The following PPM1A variants were observed in gnomAD, a reference collection of about 807,000 sequenced individuals.
PPM1A encodes protein phosphatase, Mg2+/Mn2+ dependent 1A.
PPM1A carries 7 observed loss-of-function variants against 35.0 expected under a neutral mutation model. The observed-to-expected ratio is 0.20, with a 90% CI of 0.11 to 0.38. The LOEUF is 0.38. PPM1A is among the 10% of genes least tolerant of loss of function. The probability of loss-of-function intolerance (pLI) is 1.00; values close to 1 mark genes in which losing one functional copy is unlikely to be tolerated. For missense variants in PPM1A, 239 were observed against 467.8 expected (o/e 0.51, Z 4.51); for synonymous variants, 153 against 167.3 (o/e 0.91, Z 0.66).
chr14:60,279,044 A>G (rs968202889), intron 1 of PPM1A, among the ~76,000 whole-genome samples: 17 of 152,330 alleles, frequency 1.1e-4, no homozygotes, highest in African/African-American at 3.6e-4. Context: ...TAGTAAATAC[A>G]AATATACACT....
At chr14:60,270,926 A>C (rs1281757310) in intron 1 of PPM1A, among the ~76,000 whole-genome samples, 1 of 152,224 alleles carries the variant, frequency 6.6e-6, no homozygotes, top group African/African-American at 2.4e-5. Context: ...GCATTCTGCT[A>C]ATTTCCATGG....
At chr14:60,247,927 C>T (rs1881896782), upstream of PPM1A, among the ~76,000 whole-genome samples, 1 of 152,184 alleles carries the variant, frequency 6.6e-6, no homozygotes, top group Admixed American at 6.5e-5. Flanking sequence ...GTAAAAGAAC[C>T]TGCCTTCTAC....
intron 1 of PPM1A, among the ~76,000 whole-genome samples, chr14:60,276,571 A>G (rs1188428352): frequency 1.3e-5 from 2 of 152,158 alleles, no homozygotes; most frequent in African/African-American, 2.4e-5. Context: ...TCCACATTGT[A>G]TGTATCTATG....
chr14:60,283,551 T>C lies in PPM1A; in HGVS notation c.834+14T>C, dbSNP rs764967817. The C allele has an allele frequency of 6.3e-7, 1 of 1,584,246 alleles. No homozygotes were observed. Among genetic ancestry groups the C allele is most frequent in the Non-Finnish European group, 8.5e-7 (1 of 1,169,726 alleles). The stretch of plus-strand genomic sequence containing the variant: ...TGTTTGTATAAGGTAGCTAGACTTT[T>C]TTTAAAAACATAAAATGATTTTATG... On this transcript the variant is annotated intron_variant, in intron 2 of 5. Coordinates refer to ENST00000395076, the MANE Select transcript of PPM1A (RefSeq NM_021003.5). The surrounding 1 kb of genome is among the most constrained non-coding windows in gnomAD (Gnocchi z 6.3).
chr14:60,284,516 C>T (rs903225274), intron 2 of PPM1A, among the ~76,000 whole-genome samples: 1 of 151,732 alleles, frequency 6.6e-6, no homozygotes, highest in African/African-American at 2.4e-5. Context: ...GTGGCGGGCG[C>T]CTGTAGTCCC....
rs1045989237 is a variant in PPM1A at position 60,249,951 on chromosome 14, C to T, written c.-21+274C>T. ...GAGGGGGCGCGACCCTCTGGCCGTC[C>T]GCGGCCGAGATGGGTGTTTGTGGCG... On this transcript the variant is annotated intron_variant, in intron 1 of 5. Transcript: ENST00000395076. This position sits in a 1 kb window ranked among gnomAD's most constrained non-coding sequence, Gnocchi z 4.5. Among the ~76,000 whole-genome samples the T allele has an allele frequency of 2.0e-5, 3 of 151,634 alleles. No homozygotes were observed. The East Asian group carries it at 5.9e-4, about 30-fold the overall frequency.
chr14:60,246,210 A>G (rs1373717755), upstream of PPM1A, among the ~76,000 whole-genome samples: 11 of 152,182 alleles, frequency 7.2e-5, no homozygotes. Flanking sequence ...GGCCCAGGCA[A>G]GTCTGCCTCA....
At chr14:60,266,075 T>C (rs1884342232) in intron 1 of PPM1A, among the ~76,000 whole-genome samples, 1 of 152,238 alleles carries the variant, frequency 6.6e-6, no homozygotes, top group Non-Finnish European at 1.5e-5. Flanking sequence ...TTGGGTGTAA[T>C]AATTTTTTAA....
Position 60,282,943 on chromosome 14 carries a change from C to A in PPM1A, c.240C>A (p.Thr80=), listed in dbSNP as rs1886570605. The change falls in exon 2 of 6, where the codon ACC becomes ACA. Residue 80 remains threonine (T), a synonymous_variant. Transcript: ENST00000395076. The surrounding 1 kb of genome is among the most constrained non-coding windows in gnomAD (Gnocchi z 5.1). ...GTGAGCATTTGTTAGATCACATCAC[C>A]AATAACCAGGATTTTAAAGGGTCTG... is the stretch of plus-strand genomic sequence containing the variant. The part of the protein sequence containing the change: ...YCCEHLLDHI[T]NNQDFKGSAG... The A allele has an allele frequency of 1.2e-6, 2 of 1,614,188 alleles. No individual in the cohort carries two copies. Among genetic ancestry groups the A allele is most frequent in the Non-Finnish European group, 1.7e-6 (2 of 1,180,048 alleles).
In PPM1A at chr14:60,283,277, G is replaced by T; in HGVS notation, c.574G>T (p.Ala192Ser). The T allele has an allele frequency of 6.2e-7, 1 of 1,614,204 alleles. No individual in the cohort carries two copies. The highest frequency in any genetic ancestry group is 8.5e-7 in the Non-Finnish European group (1 of 1,180,042). The change falls in exon 2 of 6, where the codon GCT (alanine) becomes TCT (serine). Residue 192 changes from alanine to serine, a missense_variant. Physicochemically the swap from Ala to Ser is moderately conservative, Grantham distance 99. Coordinates refer to ENST00000395076, the MANE Select transcript of PPM1A (RefSeq NM_021003.5). The surrounding 1 kb of genome is among the most constrained non-coding windows in gnomAD (Gnocchi z 6.3). The stretch of plus-strand genomic sequence containing the variant: ...GATTCAGCGTGTGAATGGCTCTCTG[G>T]CTGTATCGAGGGCCCTTGGGGATTT... ...VMIQRVNGSL[A>S]VSRALGDFDY...
upstream of PPM1A, chr14:60,248,819 A>G (rs891859257): frequency 6.6e-6 from 1 of 152,498 alleles, no homozygotes; most frequent in Non-Finnish European, 1.5e-5. Flanking sequence ...CCGAGTCCCT[A>G]CTTGGCCAAG....
chr14:60,291,378 T>G lies in PPM1A; in HGVS notation c.1062-19T>G, dbSNP rs764928467. ...TTTGCTTTCTGAAGAATTAATTTTC[T>G]GCATTTTTTTACACTTAGGAGGAAT... is the stretch of plus-strand genomic sequence containing the variant. On this transcript the variant is annotated intron_variant, in intron 4 of 5. Coordinates refer to ENST00000395076, the MANE Select transcript of PPM1A (RefSeq NM_021003.5). 6.6e-7 allele frequency: 1 copy of G among 1,516,740 alleles called. No individual in the cohort carries two copies. Among genetic ancestry groups the G allele is most frequent in the South Asian group, 1.3e-5 (1 of 77,538 alleles). The allele number at this position is 1,516,740 out of a possible 1,614,324, so 94.0% of individuals were successfully genotyped here.
chr14:60,252,450 T>C (rs1334215523), intron 1 of PPM1A, among the ~76,000 whole-genome samples: 1 of 152,162 alleles, frequency 6.6e-6, no homozygotes, highest in Non-Finnish European at 1.5e-5. Context: ...GTAAGAAAAT[T>C]GGCCACGGCA....
rs1301463771 is a variant in PPM1A at position 60,294,796 on chromosome 14, G to A, written c.*2314G>A. On this transcript the variant is annotated 3_prime_UTR_variant, in exon 6 of 6. Transcript: ENST00000395076. ...TAGTATTGAAATTAGGCTTGGACAC[G>A]AGAGAGAACCGTATTTGAGTGATGT... The A allele has an allele frequency of 6.6e-6, 1 of 151,556 alleles. No homozygotes were observed. Among genetic ancestry groups the A allele is most frequent in the Non-Finnish European group, 1.5e-5 (1 of 67,720 alleles). 9.4% of individuals were successfully genotyped at this position (151,556 alleles called of 1,614,324 possible).
chr14:60,278,294 A>C (rs1005827228), intron 1 of PPM1A, among the ~76,000 whole-genome samples: 1 of 152,066 alleles, frequency 6.6e-6, no homozygotes, highest in Admixed American at 6.5e-5. Context: ...TGTGCTTTTA[A>C]AAGATTTCAT....
Position 60,289,723 on chromosome 14 carries a change from A to C in PPM1A, c.953-83A>C, listed in dbSNP as rs1344580995. ...CTCAGATGTGGTAAATGCCATCTTT[A>C]AAAAGCTAGGTTATCTTTGTTTCGG... On this transcript the variant is annotated intron_variant, in intron 3 of 5. Coordinates refer to ENST00000395076, the MANE Select transcript of PPM1A (RefSeq NM_021003.5). This position sits in a 1 kb window ranked among gnomAD's most constrained non-coding sequence, Gnocchi z 4.1. 1 of 880,316 alleles carries C rather than the reference A, an allele frequency of 1.1e-6. No homozygotes were observed. The highest frequency in any genetic ancestry group is 1.8e-6 in the Non-Finnish European group (1 of 555,132). The allele number at this position is 880,316 out of a possible 1,614,324, so 54.5% of individuals were successfully genotyped here. A position where few individuals can be genotyped will look rare whatever the true frequency, so the allele number is the denominator to read the frequency against.
At position 60,273,231 on chromosome 14, in the gene PPM1A, C is replaced by G. The variant is rs904843371; in HGVS notation, c.-20-9453C>G. Among the ~76,000 whole-genome samples the G allele has an allele frequency of 1.3e-5, 2 of 152,140 alleles. No homozygotes were observed. The highest frequency in any genetic ancestry group is 4.8e-5 in the African/African-American group (2 of 41,488). On this transcript the variant is annotated intron_variant, in intron 1 of 5. Coordinates refer to ENST00000395076, the MANE Select transcript of PPM1A (RefSeq NM_021003.5). This position sits in a 1 kb window ranked among gnomAD's most constrained non-coding sequence, Gnocchi z 4.3. ...TATACTCTGTGCTTGGGGAGTTGAC[C>G]TAGGGAACTCAAAGGAGGCTCCTTT...
At chr14:60,261,905 C>A (rs1417998461) in intron 1 of PPM1A, among the ~76,000 whole-genome samples, 2 of 152,078 alleles carry the variant, frequency 1.3e-5, no homozygotes, top group African/African-American at 4.8e-5. Flanking sequence ...AGTAAGCAGA[C>A]TGGAATTTAG....
At chr14:60,254,553 TA>T (rs1882827972) in intron 1 of PPM1A, among the ~76,000 whole-genome samples, 1 of 152,198 alleles carries the variant, frequency 6.6e-6, no homozygotes. Context: ...GTAAGGAAAC[TA>T]AATCATTCTG....
Sources: gnomAD v4.1 joint callset for allele counts (sites outside exome capture counted in the v4.1 genomes callset) on GRCh38, gnomAD v4.1.1 for gene constraint, Gnocchi (gnomAD v3.1) non-coding constraint, MANE v1.5 for transcripts, NCBI Gene and HGNC (gene_info 2026-07-23, HGNC 2026-07-21) for gene names.